The following CSNK2A1 variants were observed in gnomAD, a reference collection of about 807,000 sequenced individuals.
CSNK2A1 encodes casein kinase II subunit alpha.
A neutral mutation model predicts 62.9 loss-of-function variants in CSNK2A1; 10 were observed. The observed-to-expected ratio is 0.16, with a 90% CI of 0.10 to 0.27. The LOEUF (loss-of-function observed/expected upper bound fraction) is 0.27, where lower values mean the gene tolerates loss of function less well. Among genes scored for constraint, CSNK2A1 ranks in the 10% least tolerant of loss-of-function variants. CSNK2A1 has a pLI of 1.00. For missense variants in CSNK2A1, 160 were observed against 492.0 expected (o/e 0.33, Z 6.38); for synonymous variants, 124 against 167.8 (o/e 0.74, Z 2.02).
rs952730741 is a variant in CSNK2A1, at chr20:474,056, T to A, written c.*9905A>T. ...TTTAAGCAAGGGACTGAGATAAAAT[T>A]TATTTATTATTTTTAAGAGAGAGGT... On this transcript the variant is annotated 3_prime_UTR_variant, in exon 14 of 14. Transcript: ENST00000217244. 6.6e-6 allele frequency: 1 copy of A among 151,974 alleles called. No homozygotes were observed. The highest frequency in any genetic ancestry group is 2.4e-5 in the African/African-American group (1 of 41,342). The allele number at this position is 151,974 out of a possible 1,614,324, so 9.4% of individuals were successfully genotyped here. A position where few individuals can be genotyped will look rare whatever the true frequency, so the allele number is the denominator to read the frequency against.
rs2018411018 is a variant in CSNK2A1 at position 499,359 on chromosome 20, T to A, written c.316-54A>T. 1 of 1,548,550 alleles carries A rather than the reference T, an allele frequency of 6.5e-7. No individual in the cohort carries two copies. The highest frequency in any genetic ancestry group is 1.4e-5 in the African/African-American group (1 of 72,838). On this transcript the variant is annotated intron_variant, in intron 5 of 13. Transcript: ENST00000217244. The surrounding 1 kb of genome is among the most constrained non-coding windows in gnomAD (Gnocchi z 4.2). Reference sequence around the variant, plus strand: ...CACATTAGCAATAGCCCTGACAGCTTTAATGGGGACAATGTTTGCGGATGC... The same window carrying A: ...CACATTAGCAATAGCCCTGACAGCTATAATGGGGACAATGTTTGCGGATGC...
chr20:502,152 T>C (rs1600385648), intron 4 of CSNK2A1: 1 of 152,342 alleles, frequency 6.6e-6, no homozygotes, highest in African/African-American at 2.4e-5. Flanking sequence ...CAATGCAAAG[T>C]GGTACCCAAT....
At chr20:524,456 A>G (rs956724490) in intron 2 of CSNK2A1, among the ~76,000 whole-genome samples, 15 of 151,360 alleles carry the variant, frequency 9.9e-5, no homozygotes, top group Admixed American at 7.9e-4. Flanking sequence ...AAACAAATAA[A>G]TAAAAGAGAT....
intron 2 of CSNK2A1, among the ~76,000 whole-genome samples, chr20:511,618 T>C (rs1016820722): frequency 2.0e-5 from 3 of 152,188 alleles, no homozygotes; most frequent in Non-Finnish European, 2.9e-5. Flanking sequence ...TTTAGCATAA[T>C]GTCTTCAAGG....
At chr20:539,303 C>G (rs1281757830) in intron 1 of CSNK2A1, 1 of 152,232 alleles carries the variant, frequency 6.6e-6, no homozygotes, top group African/African-American at 2.4e-5. Flanking sequence ...CACATTCATT[C>G]AAGCTATTGG....
At chr20:495,604 T>G (rs1396953692) in intron 8 of CSNK2A1, 115 bp downstream of exon 8, 1 of 771,262 alleles carries the variant, frequency 1.3e-6, no homozygotes, top group Non-Finnish European at 2.2e-6. Flanking sequence ...CACCAAATAT[T>G]TCTCAACTGC....
chr20:543,086 TAACTCC>T (rs2019487701), intron 1 of CSNK2A1: 1 of 152,432 alleles, frequency 6.6e-6, no homozygotes, highest in East Asian at 1.9e-4. Flanking sequence ...AACTAGTCCT[TAACTCC>T]AACTCCAGAC....
At chr20:504,988 A>G in intron 4 of CSNK2A1, 130 bp downstream of exon 4, 1 of 735,918 alleles carries the variant, frequency 1.4e-6, no homozygotes, top group Non-Finnish European at 2.2e-6. Context: ...TTGAGTTCAT[A>G]GGATACAATA....
At chr20:491,507 C>T (rs1015146379) in intron 9 of CSNK2A1, among the ~76,000 whole-genome samples, 11 of 151,832 alleles carry the variant, frequency 7.2e-5, no homozygotes, top group Non-Finnish European at 1.6e-4. Context: ...TCTCTACACA[C>T]AAAAAAATTA....
At chr20:502,568 T>C (rs2122552514) in intron 4 of CSNK2A1, 1 of 152,300 alleles carries the variant, frequency 6.6e-6, no homozygotes, top group East Asian at 1.9e-4. Flanking sequence ...AAATATGGTT[T>C]ACAAAGGAAA....
chr20:481,308 C>T lies in CSNK2A1; in HGVS notation c.*2653G>A, dbSNP rs933911950. 1.3e-5 allele frequency: 2 copies of T among 152,076 alleles called. No individual in the cohort carries two copies. Among genetic ancestry groups the T allele is most frequent in the African/African-American group, 4.8e-5 (2 of 41,416 alleles). The allele number at this position is 152,076 out of a possible 1,614,324, so 9.4% of individuals were successfully genotyped here. A position where few individuals can be genotyped will look rare whatever the true frequency, so the allele number is the denominator to read the frequency against. On this transcript the variant is annotated 3_prime_UTR_variant, in exon 14 of 14. Transcript: ENST00000217244. ...CCACTTCAAACAAAGTTTAAAAATA[C>T]TTTAAAAAATCTTTCAGAGTAATTG...
intron 2 of CSNK2A1, among the ~76,000 whole-genome samples, chr20:513,666 T>C (rs1353634577): frequency 1.3e-5 from 2 of 152,136 alleles, no homozygotes; most frequent in East Asian, 3.9e-4. Flanking sequence ...CACCCAGTCT[T>C]CTTCTGCTGT....
intron 8 of CSNK2A1, chr20:495,426 A>G: frequency 3.0e-6 from 1 of 338,890 alleles, no homozygotes; most frequent in East Asian, 6.4e-5. Context: ...ATGGAGAGAA[A>G]GTAGTTTCTC....
intron 13 of CSNK2A1, among the ~76,000 whole-genome samples, chr20:485,110 ATAT>A (rs150634856): frequency 8.9e-4 from 10 of 11,194 alleles, no homozygotes; most frequent in Non-Finnish European, 1.4e-3. Context: ...AAAAAAAAAA[ATAT>A]ATATATATAT....
At chr20:517,443 C>T (rs1238666904) in intron 2 of CSNK2A1, among the ~76,000 whole-genome samples, 1 of 152,156 alleles carries the variant, frequency 6.6e-6, no homozygotes, top group Non-Finnish European at 1.5e-5. Context: ...TATCTCTGCC[C>T]TCAGACAAAG....
chr20:489,571 T>G (rs530394479), intron 10 of CSNK2A1: 3 of 436,592 alleles, frequency 6.9e-6, no homozygotes, highest in Admixed American at 7.5e-5. Flanking sequence ...ACAATTTATA[T>G]GTATTCTTCA....
chr20:512,320 T>C (rs1343591536), intron 2 of CSNK2A1, among the ~76,000 whole-genome samples: 2 of 151,262 alleles, frequency 1.3e-5, no homozygotes. Flanking sequence ...TCTTTTTACA[T>C]GCTTATTGGC....
chr20:492,208 C>A (rs371531023), intron 9 of CSNK2A1, 46 bp downstream of exon 9: 3 of 1,519,980 alleles, frequency 2.0e-6, no homozygotes, highest in African/African-American at 1.4e-5. Flanking sequence ...AAATTATGTG[C>A]GAAATAAACA....
At chr20:517,038 A>G (rs2018842541) in intron 2 of CSNK2A1, among the ~76,000 whole-genome samples, 2 of 152,216 alleles carry the variant, frequency 1.3e-5, no homozygotes, top group African/African-American at 4.8e-5. Context: ...GACACCTTTT[A>G]TGCACTGCTG....
Sources: allele counts gnomAD v4.1 joint callset (sites outside exome capture counted in the v4.1 genomes callset), GRCh38; gene constraint gnomAD v4.1.1; non-coding constraint Gnocchi (gnomAD v3.1); transcripts MANE v1.5; gene names NCBI Gene and HGNC (gene_info 2026-07-23, HGNC 2026-07-21).